The following ABCA7 variants were observed in gnomAD, a reference collection of about 807,000 sequenced individuals.
ABCA7 encodes phospholipid-transporting ATPase ABCA7.
In ABCA7, 261 loss-of-function variants were observed where a neutral mutation model predicts 227.6. The observed-to-expected ratio is 1.15, with a 90% CI of 1.04 to 1.27. ABCA7 has a LOEUF of 1.27. Ranked by LOEUF, ABCA7 falls within the 50% of genes most tolerant of loss-of-function variation. The pLI is 0.00. For missense variants in ABCA7, 3,331 were observed against 2,924.5 expected (o/e 1.14, Z -3.21); for synonymous variants, 1,488 against 1,279.7 (o/e 1.16, Z -3.47).
At chr19:1,055,990 C>T (rs1443766384) in intron 31 of ABCA7, 51 bp downstream of exon 31, 1 of 1,562,418 alleles carries the variant, frequency 6.4e-7, no homozygotes, top group Non-Finnish European at 8.7e-7. Context: ...ACTCCCATGC[C>T]CTCTGCCTGC....
intron 23 of ABCA7, 124 bp downstream of exon 23, chr19:1,052,410 G>A: frequency 3.3e-6 from 2 of 602,338 alleles, no homozygotes; most frequent in Non-Finnish European, 4.9e-6. Context: ...GGAGGTTGAG[G>A]CGGAGGAGGA....
Position 1,043,350 on chromosome 19 carries a change from G to T in ABCA7, c.807G>T (p.Glu269Asp), listed in dbSNP as rs747067104. 4.3e-5 allele frequency: 70 copies of T among 1,613,026 alleles called. No individual in the cohort carries two copies. The highest frequency in any genetic ancestry group is 5.9e-5 in the Non-Finnish European group (70 of 1,179,996). ...PDSSLSPACS[E>D]LIGALDSHPL... The stretch of plus-strand genomic sequence containing the variant: ...CCATCCCAGGCCCCGCCTGCTCGGA[G>T]CTGATTGGAGCCCTGGACAGCCACC... Residue 269 changes from glutamate to aspartate, a missense_variant, in exon 9 of 47, where the codon GAG becomes GAT. Coordinates refer to ENST00000263094, the MANE Select transcript of ABCA7 (RefSeq NM_019112.4).
At chr19:1,058,099 C>A in intron 36 of ABCA7, 40 bp downstream of exon 36, 1 of 1,613,830 alleles carries the variant, frequency 6.2e-7, no homozygotes, top group Non-Finnish European at 8.5e-7. Context: ...TGGGTTGGGT[C>A]GTTGGACTCA....
intron 31 of ABCA7, 57 bp downstream of exon 31, chr19:1,055,996 C>T: frequency 6.4e-7 from 1 of 1,554,606 alleles, no homozygotes; most frequent in Non-Finnish European, 8.7e-7. Context: ...ATGCCCTCTG[C>T]CTGCCCCCTG....
In ABCA7 at chr19:1,056,021, C is replaced by G. The variant is rs542417372; in HGVS notation, c.4239-45C>G. 15 of 1,437,772 alleles carry G rather than the reference C, an allele frequency of 1.0e-5. No individual in the cohort carries two copies. The Admixed American group carries it at 1.2e-4, about 11-fold the overall frequency. 89.1% of individuals were successfully genotyped at this position (1,437,772 alleles called of 1,614,324 possible). A position where few individuals can be genotyped will look rare whatever the true frequency, so the allele number is the denominator to read the frequency against. On this transcript the variant is annotated intron_variant, in intron 31 of 46. Coordinates refer to ENST00000263094, the MANE Select transcript of ABCA7 (RefSeq NM_019112.4). This position sits in a 1 kb window ranked among gnomAD's most constrained non-coding sequence, Gnocchi z 4.3. ...CCTGCCCCCTGGGAGCTCTCCCGGC[C>G]CCCCCGGCCCTCAGCTCCCCTTCCC...
chr19:1,062,268 G>A lies in ABCA7; in HGVS notation c.5667G>A (p.Glu1889=). ...FELLTGREHL[E]LLARLRGVPE... ...TGCTGACGGGCCGCGAGCACCTGGA[G>A]CTGCTTGCGCGCCTGCGCGGTGTCC... Residue 1889 remains glutamate (E), a synonymous_variant, in exon 42 of 47, where the codon GAG becomes GAA. Transcript: ENST00000263094. 6.2e-7 allele frequency: 1 copy of A among 1,610,682 alleles called. No homozygotes were observed. The highest frequency in any genetic ancestry group is 8.5e-7 in the Non-Finnish European group (1 of 1,179,744).
chr19:1,058,113 C>G, intron 36 of ABCA7, 33 bp from the exon 37 acceptor site: 1 of 1,613,876 alleles, frequency 6.2e-7, no homozygotes, highest in Non-Finnish European at 8.5e-7. Flanking sequence ...GGACTCAGCC[C>G]CTGACCAACA....
In ABCA7 at chr19:1,046,263, G is replaced by T. The variant is rs200677638; in HGVS notation, c.1479G>T (p.Leu493=). 2.5e-4 allele frequency: 404 copies of T among 1,607,164 alleles called. 6 individuals carry two copies. The South Asian group carries it at 4.2e-3, about 17-fold the overall frequency. The change falls in exon 13 of 47, where the codon CTG becomes CTT. Residue 493 remains leucine, a synonymous_variant. Transcript: ENST00000263094. ...ACCCTGGCCCAGCCGCGGACCCCCT[G>T]ACCGACCTGCGCTACGTGTGGGGCG... is the stretch of plus-strand genomic sequence containing the variant. ...FWDPGPAADP[L]TDLRYVWGGF...
At chr19:1,057,670 C>T (rs2042370094) in intron 35 of ABCA7, among the ~76,000 whole-genome samples, 2 of 151,124 alleles carry the variant, frequency 1.3e-5, no homozygotes, top group South Asian at 2.1e-4. Context: ...TTTGGGAGGC[C>T]GAGGCAGGAG....
In ABCA7 at chr19:1,054,910, C is replaced by T; in HGVS notation, c.3950+32C>T. ...CGTCTTGTTGGCCTGGACCTTTCCC[C>T]TCTCTGGCCTCAGTTTTCCCATCTG... On this transcript the variant is annotated intron_variant, in intron 29 of 46. Transcript: ENST00000263094. This position sits in a 1 kb window ranked among gnomAD's most constrained non-coding sequence, Gnocchi z 4.8. 1 of 1,547,782 alleles carries T rather than the reference C, an allele frequency of 6.5e-7. No homozygotes were observed. Among genetic ancestry groups the T allele is most frequent in the Non-Finnish European group, 8.8e-7 (1 of 1,142,152 alleles).
At chr19:1,048,663 T>G (rs8109683) in intron 16 of ABCA7, among the ~76,000 whole-genome samples, 130,719 of 151,554 alleles carry the variant, frequency 0.86, 56,456 homozygotes, top group Middle Eastern at 0.93. Flanking sequence ...CAAAAAATTA[T>G]CCAGGCATGG....
At chr19:1,060,209 T>TA (rs3971800) in intron 40 of ABCA7, among the ~76,000 whole-genome samples, 126 of 33,852 alleles carry the variant, frequency 3.7e-3, no homozygotes, top group African/African-American at 0.015. Context: ...ATATATATAT[T>TA]TTTTTTTCTT....
At chr19:1,044,818 G>T in intron 11 of ABCA7, 74 bp downstream of exon 11, 1 of 1,518,000 alleles carries the variant, frequency 6.6e-7, no homozygotes, top group Non-Finnish European at 8.8e-7. Flanking sequence ...CCACCCTGGT[G>T]TTCCCAGGGG....
Position 1,041,609 on chromosome 19 carries a change from C to T in ABCA7, c.160+6C>T, listed in dbSNP as rs1390977310. 18 of 1,609,548 alleles carry T rather than the reference C, an allele frequency of 1.1e-5. No homozygotes were observed. Among genetic ancestry groups the T allele is most frequent in the East Asian group, 4.5e-5 (2 of 44,890 alleles). On this transcript the variant is annotated splice_donor_region_variant and intron_variant, in intron 3 of 46. Coordinates refer to ENST00000263094, the MANE Select transcript of ABCA7 (RefSeq NM_019112.4). ...GCCCCTGGAGCACCATGAATGTGAG[C>T]CCCCCCAGGGACCAGGCACTTTGTG...
intron 23 of ABCA7, 114 bp from the exon 24 acceptor site, chr19:1,053,215 C>A (rs1216736122): frequency 1.3e-5 from 15 of 1,162,132 alleles, no homozygotes; most frequent in East Asian, 2.6e-5. Flanking sequence ...CGTTCTTAAC[C>A]CTGATCTCTG....
chr19:1,057,244 G>A lies in ABCA7; in HGVS notation c.4765-70G>A, dbSNP rs567802847. ...ACTCAAAAAGCAAGGAGGTCAGGGT[G>A]GGAACAGGGCTGAGGGTGGCAGTGC... On this transcript the variant is annotated intron_variant, in intron 34 of 46. Transcript: ENST00000263094. 85 of 1,583,862 alleles carry A rather than the reference G, an allele frequency of 5.4e-5. No individual in the cohort carries two copies. In the East Asian group the frequency reaches 1.8e-3, roughly 33 times the overall value.
intron 9 of ABCA7, 36 bp downstream of exon 9, chr19:1,043,509 T>A: frequency 6.2e-7 from 1 of 1,612,716 alleles, no homozygotes. Context: ...GGGAGGGTGG[T>A]GGCCAGAGCC....
At position 1,046,822 on chromosome 19, in the gene ABCA7, G is replaced by A. The variant is rs1269893155; in HGVS notation, c.1643G>A (p.Arg548Gln). ...VDDVFLRVLS[R>Q]SLPLFLTLAW... ...CCCAGGTTCCTGCGTGTGCTGAGCC[G>A]GTCGCTGCCGCTCTTCCTGACGCTG... Residue 548 changes from arginine (R) to glutamine (Q), a missense_variant, in exon 14 of 47, where the codon CGG becomes CAG. Arg to Gln is a conservative substitution (Grantham distance 43). Transcript: ENST00000263094. 1.9e-5 allele frequency: 30 copies of A among 1,538,566 alleles called. No homozygotes were observed. Among genetic ancestry groups the A allele is most frequent in the Non-Finnish European group, 2.6e-5 (30 of 1,147,174 alleles).
intron 3 of ABCA7, 96 bp from the exon 4 acceptor site, chr19:1,041,735 T>A: frequency 6.3e-7 from 1 of 1,583,932 alleles, no homozygotes; most frequent in Non-Finnish European, 8.5e-7. Flanking sequence ...GAGTGAGCTC[T>A]CCATCGCTGG....
Sources: gnomAD v4.1 joint callset for allele counts (sites outside exome capture counted in the v4.1 genomes callset) on GRCh38, gnomAD v4.1.1 for gene constraint, Gnocchi (gnomAD v3.1) non-coding constraint, MANE v1.5 for transcripts, NCBI Gene and HGNC (gene_info 2026-07-23, HGNC 2026-07-21) for gene names.